The following FAS variants were observed in gnomAD, a reference collection of about 807,000 sequenced individuals.
The protein encoded by FAS is tumor necrosis factor receptor superfamily member 6.
In FAS, 5 loss-of-function variants were observed where a neutral mutation model predicts 33.2. The ratio of observed to expected loss-of-function variants is 0.15; its 90% CI spans 0.08 to 0.32. The LOEUF is 0.32. FAS is among the 10% of genes least tolerant of loss of function. The probability of loss-of-function intolerance (pLI) is 1.00; values close to 1 mark genes in which losing one functional copy is unlikely to be tolerated. For synonymous variants in FAS, 131 were observed against 130.7 expected (o/e 1.00, Z -0.01); for missense variants, 339 against 386.0 (o/e 0.88, Z 1.02).
At chr10:88,989,201 G>T (rs1847020411), upstream of FAS, among the ~76,000 whole-genome samples, 1 of 152,156 alleles carries the variant, frequency 6.6e-6, no homozygotes, top group South Asian at 2.1e-4. Context: ...ACATATGTGA[G>T]TTGCTGGCTT....
At chr10:88,978,323 G>A (rs540477124) in intron 2 of FAS, among the ~76,000 whole-genome samples, 19 of 149,350 alleles carry the variant, frequency 1.3e-4, no homozygotes, top group East Asian at 3.9e-4. Flanking sequence ...TGGGTGCAGC[G>A]CACCAGCATG....
intron 1 of FAS, among the ~76,000 whole-genome samples, chr10:88,968,999 G>A (rs1846373877): frequency 6.6e-6 from 1 of 151,886 alleles, no homozygotes; most frequent in African/African-American, 2.4e-5. Context: ...ACTACACAGA[G>A]ATGAAAAATG....
intron 1 of FAS, among the ~76,000 whole-genome samples, chr10:88,995,165 T>TA (rs1190034153): frequency 6.6e-6 from 1 of 152,128 alleles, no homozygotes; most frequent in African/African-American, 2.4e-5. Context: ...ATCCTTGCTT[T>TA]AAAAAAAGTC....
chr10:88,988,808 C>T (rs1847000869), upstream of FAS, among the ~76,000 whole-genome samples: 2 of 152,124 alleles, frequency 1.3e-5, no homozygotes, highest in East Asian at 1.9e-4. Flanking sequence ...TATAATTACC[C>T]AACCCTTTGA....
upstream of FAS, chr10:88,989,711 T>G (rs377452288): frequency 2.0e-5 from 8 of 390,574 alleles, no homozygotes; most frequent in African/African-American, 1.5e-4. Flanking sequence ...GGATGAACAG[T>G]GGGCTAAGCA....
At chr10:89,001,050 TAAAAC>T (rs543389059) in intron 1 of FAS, among the ~76,000 whole-genome samples, 1 of 152,194 alleles carries the variant, frequency 6.6e-6, no homozygotes, top group Non-Finnish European at 1.5e-5. Flanking sequence ...AGACTCCGTC[TAAAAC>T]AAAACAAAAC....
chr10:89,000,173 T>C (rs1248843089), intron 1 of FAS, among the ~76,000 whole-genome samples: 1 of 152,218 alleles, frequency 6.6e-6, no homozygotes, highest in Non-Finnish European at 1.5e-5. Context: ...CAGAGGTTAA[T>C]ATTTGTGATG....
upstream of FAS, among the ~76,000 whole-genome samples, chr10:88,983,070 A>T (rs779903954): frequency 3.3e-5 from 5 of 152,198 alleles, no homozygotes; most frequent in Non-Finnish European, 7.4e-5. Flanking sequence ...AATCTTAATA[A>T]TATTGACAGG....
upstream of FAS, among the ~76,000 whole-genome samples, chr10:88,987,611 G>A (rs1035649143): frequency 6.6e-6 from 1 of 152,200 alleles, no homozygotes; most frequent in Non-Finnish European, 1.5e-5. Flanking sequence ...GAAAGGGTTT[G>A]TGTCCCAGTG....
intron 2 of FAS, among the ~76,000 whole-genome samples, chr10:89,005,304 A>T (rs1467407984): frequency 6.6e-6 from 1 of 152,154 alleles, no homozygotes. Context: ...TGGGATTATA[A>T]TAACTTCTAT....
Position 89,014,426 on chromosome 10 carries a change from A to G in FAS, c.984A>G (p.Arg328=). The part of the protein sequence containing the change: ...ITSDSENSNF[R]NEIQSLV Reference sequence around the variant, plus strand: ...GTGACTCAGAAAATTCAAACTTCAGAAATGAAATCCAAAGCTTGGTCTAGA... The same window carrying G: ...GTGACTCAGAAAATTCAAACTTCAGGAATGAAATCCAAAGCTTGGTCTAGA... Residue 328 remains arginine (R), a synonymous_variant, in exon 9 of 9, where the codon AGA becomes AGG. Transcript: ENST00000652046. 6.2e-7 allele frequency: 1 copy of G among 1,611,302 alleles called. No individual in the cohort carries two copies. Among genetic ancestry groups the G allele is most frequent in the African/African-American group, 1.3e-5 (1 of 75,046 alleles).
rs1848491248 is a variant in FAS at position 89,010,786 on chromosome 10, T to C, written c.539T>C (p.Leu180Pro). The C allele has an allele frequency of 6.2e-7, 1 of 1,614,014 alleles. No homozygotes were observed. The highest frequency in any genetic ancestry group is 1.3e-5 in the African/African-American group (1 of 74,936). ...TCTAACTTGGGGTGGCTTTGTCTTC[T>C]TCTTTTGCCAATTCCACTAATTGTT... is the stretch of plus-strand genomic sequence containing the variant. ...SRSNLGWLCLLLLPIPLIVWV... is the reference protein window; with the variant it reads ...SRSNLGWLCLPLLPIPLIVWV... The change falls in exon 6 of 9, where the codon CTT (leucine) becomes CCT (proline). Residue 180 changes from leucine (L) to proline (P), a missense_variant. Coordinates refer to ENST00000652046, the MANE Select transcript of FAS (RefSeq NM_000043.6).
At position 89,014,705 on chromosome 10, in the gene FAS, C is replaced by T; in HGVS notation, c.*255C>T. The T allele has an allele frequency of 1.6e-6, 1 of 639,420 alleles. No homozygotes were observed. Among genetic ancestry groups the T allele is most frequent in the Non-Finnish European group, 2.9e-6 (1 of 346,004 alleles). The allele number at this position is 639,420 out of a possible 1,614,324, so 39.6% of individuals were successfully genotyped here. ...CTAAGTACCCAAATAGGAGTGTATG[C>T]AGAGGATGAAAGATTAAGATTATGC... On this transcript the variant is annotated 3_prime_UTR_variant, in exon 9 of 9. Coordinates refer to ENST00000652046, the MANE Select transcript of FAS (RefSeq NM_000043.6).
chr10:88,986,739 T>A (rs76390772), upstream of FAS, among the ~76,000 whole-genome samples: 1 of 151,438 alleles, frequency 6.6e-6, no homozygotes, highest in East Asian at 1.9e-4. Context: ...AGGAAGGAAG[T>A]AGTGCAGGAA....
At chr10:88,983,612 A>C (rs1445649814), upstream of FAS, among the ~76,000 whole-genome samples, 2 of 13,070 alleles carry the variant, frequency 1.5e-4, no homozygotes, top group Admixed American at 2.4e-3. Flanking sequence ...GGTTATGCAA[A>C]AAAAAAAAAA....
chr10:89,007,582 C>T (rs1848299476), intron 2 of FAS, 118 bp from the exon 3 acceptor site: 13 of 1,345,692 alleles, frequency 9.7e-6, no homozygotes, highest in Non-Finnish European at 1.2e-5. Flanking sequence ...TCTCATTAGC[C>T]TACCCCCCCT....
upstream of FAS, among the ~76,000 whole-genome samples, chr10:88,987,918 C>T (rs1846952652): frequency 6.6e-6 from 1 of 152,060 alleles, no homozygotes; most frequent in South Asian, 2.1e-4. Flanking sequence ...TGTCAATAGG[C>T]CTTATCCAGT....
At chr10:89,010,332 T>C (rs1848461419) in intron 4 of FAS, among the ~76,000 whole-genome samples, 2 of 150,282 alleles carry the variant, frequency 1.3e-5, no homozygotes, top group Non-Finnish European at 3.0e-5. Flanking sequence ...TAAGACAGAG[T>C]CATTCCTTAT....
rs9333296 is a variant in FAS, at chr10:89,003,101, T to A, written c.103T>A (p.Leu35Met). 15 of 1,613,986 alleles carry A rather than the reference T, an allele frequency of 9.3e-6. No individual in the cohort carries two copies. Among genetic ancestry groups the A allele is most frequent in the African/African-American group, 1.3e-5 (1 of 74,910 alleles). Reference sequence around the variant, plus strand: ...AGTGACTGACATCAACTCCAAGGGATTGGAATTGAGGAAGACTGTTACTAC... The same window carrying A: ...AGTGACTGACATCAACTCCAAGGGAATGGAATTGAGGAAGACTGTTACTAC... ...AQVTDINSKG[L>M]ELRKTVTTVE... Residue 35 changes from leucine (L) to methionine (M), a missense_variant, in exon 2 of 9, where the codon TTG becomes ATG. Coordinates refer to ENST00000652046, the MANE Select transcript of FAS (RefSeq NM_000043.6).
Sources: allele counts gnomAD v4.1 joint callset (sites outside exome capture counted in the v4.1 genomes callset), GRCh38; gene constraint gnomAD v4.1.1; transcripts MANE v1.5; gene names NCBI Gene and HGNC (gene_info 2026-07-23, HGNC 2026-07-21).